Variants in SH3GL3 observed in about 807,000 individuals in gnomAD.
The protein encoded by SH3GL3 is SH3 domain containing GRB2 like 3, endophilin A3, also known as endophilin-A3.
A neutral mutation model predicts 47.7 loss-of-function variants in SH3GL3; 33 were observed. That is an observed-to-expected ratio of 0.69 (90% CI 0.52 to 0.92). The LOEUF is 0.92. SH3GL3 is among the 40% of genes least tolerant of loss of function. The pLI is 0.00. For missense variants in SH3GL3, 363 were observed against 417.8 expected (o/e 0.87, Z 1.14); for synonymous variants, 155 against 148.8 (o/e 1.04, Z -0.30).
chr15:83,471,442 C>T (rs2040825212), intron 1 of SH3GL3, among the ~76,000 whole-genome samples: 1 of 152,174 alleles, frequency 6.6e-6, no homozygotes, highest in South Asian at 2.1e-4. Context: ...TAAAAGCTAA[C>T]TTAGAACTAT....
chr15:83,488,879 T>A (rs2041736352), intron 1 of SH3GL3, among the ~76,000 whole-genome samples: 1 of 152,210 alleles, frequency 6.6e-6, no homozygotes. Context: ...TCCTCCATTT[T>A]TATTAGTTTT....
intron 1 of SH3GL3, among the ~76,000 whole-genome samples, chr15:83,492,238 G>T (rs895924555): frequency 7.6e-6 from 1 of 131,256 alleles, no homozygotes; most frequent in African/African-American, 3.0e-5. Context: ...AGCCAAGATC[G>T]CCACTGTACT....
intron 8 of SH3GL3, among the ~76,000 whole-genome samples, chr15:83,589,848 T>TA (rs993334465): frequency 1.3e-5 from 2 of 152,200 alleles, no homozygotes; most frequent in African/African-American, 4.8e-5. Flanking sequence ...TGGTGGACGT[T>TA]AAGGTTTTTT....
chr15:83,550,689 C>T (rs1395290643), intron 1 of SH3GL3, among the ~76,000 whole-genome samples: 2 of 152,144 alleles, frequency 1.3e-5, no homozygotes, highest in Non-Finnish European at 2.9e-5. Flanking sequence ...TGTGCCCGGC[C>T]CTCCATTACC....
intron 6 of SH3GL3, among the ~76,000 whole-genome samples, chr15:83,578,300 A>G (rs904439602): frequency 6.6e-6 from 1 of 152,184 alleles, no homozygotes; most frequent in Non-Finnish European, 1.5e-5. Flanking sequence ...CCCTGCCCTC[A>G]GCCTGGCTTC....
intron 1 of SH3GL3, among the ~76,000 whole-genome samples, chr15:83,557,157 A>G (rs914004194): frequency 2.0e-5 from 3 of 152,216 alleles, no homozygotes; most frequent in Admixed American, 6.5e-5. Flanking sequence ...GTACTCTACC[A>G]TGGCAACAAA....
At chr15:83,499,271 A>C (rs1157576161) in intron 1 of SH3GL3, among the ~76,000 whole-genome samples, 1 of 152,080 alleles carries the variant, frequency 6.6e-6, no homozygotes, top group Non-Finnish European at 1.5e-5. Flanking sequence ...TAAAGTCATA[A>C]ATGTAAAACT....
intron 4 of SH3GL3, among the ~76,000 whole-genome samples, chr15:83,570,196 A>G (rs1456760835): frequency 1.3e-5 from 2 of 152,142 alleles, no homozygotes; most frequent in Admixed American, 6.5e-5. Context: ...CTACAGTGCA[A>G]TAGGGTTCTA....
intron 4 of SH3GL3, 63 bp from the exon 5 acceptor site, chr15:83,572,502 T>C: frequency 7.2e-7 from 1 of 1,386,408 alleles, no homozygotes; most frequent in Middle Eastern, 1.9e-4. Flanking sequence ...ATGAAATAAA[T>C]AGCACTGTTA....
intron 5 of SH3GL3, among the ~76,000 whole-genome samples, chr15:83,574,337 C>T (rs1017616328): frequency 9.9e-5 from 15 of 152,236 alleles, no homozygotes; most frequent in African/African-American, 3.4e-4. Flanking sequence ...CCCCTTGGCC[C>T]CGACACTCAT....
intron 8 of SH3GL3, among the ~76,000 whole-genome samples, chr15:83,607,633 T>A (rs1389976236): frequency 2.0e-5 from 3 of 152,030 alleles, no homozygotes; most frequent in African/African-American, 7.3e-5. Flanking sequence ...TAGCTAGCCT[T>A]TCTGATTTTT....
intron 8 of SH3GL3, among the ~76,000 whole-genome samples, chr15:83,601,552 G>C (rs987779501): frequency 6.6e-6 from 1 of 152,170 alleles, no homozygotes; most frequent in African/African-American, 2.4e-5. Context: ...AAACCCACTT[G>C]ATTGTGGTGG....
chr15:83,559,785 CAG>C (rs2045169614), intron 2 of SH3GL3, among the ~76,000 whole-genome samples: 2 of 152,146 alleles, frequency 1.3e-5, no homozygotes, highest in Non-Finnish European at 1.5e-5. Flanking sequence ...CCTGTAGAAC[CAG>C]AGTGTGAACT....
At chr15:83,594,554 C>T (rs1459338324) in intron 8 of SH3GL3, among the ~76,000 whole-genome samples, 1 of 152,166 alleles carries the variant, frequency 6.6e-6, no homozygotes, top group Non-Finnish European at 1.5e-5. Flanking sequence ...TTTTTCTGTT[C>T]TAGGATCCTA....
At chr15:83,522,466 T>C (rs2043249459) in intron 1 of SH3GL3, among the ~76,000 whole-genome samples, 1 of 152,184 alleles carries the variant, frequency 6.6e-6, no homozygotes, top group Admixed American at 6.5e-5. Flanking sequence ...ACCTCTTCAC[T>C]TCTCTTCTCT....
At chr15:83,522,877 T>C (rs2043266362) in intron 1 of SH3GL3, among the ~76,000 whole-genome samples, 1 of 152,184 alleles carries the variant, frequency 6.6e-6, no homozygotes, top group Admixed American at 6.5e-5. Context: ...ATAATTACCT[T>C]TCATCCTAAA....
Position 83,487,476 on chromosome 15 carries a change from C to T in SH3GL3, c.45+39898C>T, listed in dbSNP as rs563862285. 3.3e-5 allele frequency among the ~76,000 whole-genome samples: 5 copies of T among 152,180 alleles called. No homozygotes were observed. The South Asian group carries it at 1.0e-3, about 32-fold the overall frequency. On this transcript the variant is annotated intron_variant, in intron 1 of 8. Transcript: ENST00000427482. The stretch of plus-strand genomic sequence containing the variant: ...GTGGACTATTTTGGGGGAATGTGCC[C>T]TTATTTTCTGTTGTGAACCCAAAGA...
chr15:83,575,758 A>G (rs927074363), intron 5 of SH3GL3, among the ~76,000 whole-genome samples: 3 of 152,196 alleles, frequency 2.0e-5, no homozygotes, highest in Admixed American at 6.5e-5. Flanking sequence ...AGCTATCCCC[A>G]TGCTTCAGTG....
intron 8 of SH3GL3, among the ~76,000 whole-genome samples, chr15:83,608,273 G>A (rs2060580126): frequency 1.3e-5 from 2 of 152,114 alleles, no homozygotes; most frequent in African/African-American, 2.4e-5. Context: ...TTACTTAGTA[G>A]TGCACAACTT....
Sources: gnomAD v4.1 joint callset for allele counts (sites outside exome capture counted in the v4.1 genomes callset) on GRCh38, gnomAD v4.1.1 for gene constraint, MANE v1.5 for transcripts, NCBI Gene and HGNC (gene_info 2026-07-23, HGNC 2026-07-21) for gene names.